NCKAP5: variants seen among roughly 807,000 people sequenced by gnomAD.
NCKAP5 encodes NCK associated protein 5, also known as nck-associated protein 5.
In NCKAP5, 92 loss-of-function variants were observed where a neutral mutation model predicts 167.0. The observed-to-expected ratio is 0.55, with a 90% CI of 0.47 to 0.66. The LOEUF (loss-of-function observed/expected upper bound fraction) is 0.66, where lower values mean the gene tolerates loss of function less well. Ranked by LOEUF, NCKAP5 falls within the 30% of genes least tolerant of loss-of-function variation. The probability of loss-of-function intolerance (pLI) is 0.00; values close to 1 mark genes in which losing one functional copy is unlikely to be tolerated. For missense variants in NCKAP5, 2,378 were observed against 2,315.0 expected (o/e 1.03, Z -0.56); for synonymous variants, 891 against 877.4 (o/e 1.02, Z -0.27).
chr2:133,052,573 T>C (rs1008431087), intron 6 of NCKAP5, among the ~76,000 whole-genome samples: 1 of 151,822 alleles, frequency 6.6e-6, no homozygotes, highest in Admixed American at 6.6e-5. Flanking sequence ...CAAAAATTAG[T>C]TGGGTGTGGT....
chr2:133,032,806 T>C (rs755815274), intron 6 of NCKAP5, among the ~76,000 whole-genome samples: 1 of 152,146 alleles, frequency 6.6e-6, no homozygotes, highest in Non-Finnish European at 1.5e-5. Context: ...TGGGGAGGCC[T>C]CAGGAAACTT....
At chr2:133,657,675 G>A in the NCKAP5 span, among the ~76,000 whole-genome samples, 9 of 152,262 alleles carry the variant, frequency 5.9e-5, no homozygotes, top group Non-Finnish European at 1.2e-4. Context: ...TTGAATATAT[G>A]TGATTAAAAT....
the NCKAP5 span, among the ~76,000 whole-genome samples, chr2:133,650,311 C>G: frequency 6.6e-6 from 1 of 151,796 alleles, no homozygotes; most frequent in South Asian, 2.1e-4. Context: ...CAGATTCAAT[C>G]TAATAACTAA....
At chr2:132,927,584 T>C (rs1382732001) in intron 8 of NCKAP5, among the ~76,000 whole-genome samples, 1 of 152,132 alleles carries the variant, frequency 6.6e-6, no homozygotes, top group Non-Finnish European at 1.5e-5. Context: ...TTTCATCTCT[T>C]TGGTTAAACG....
chr2:133,138,413 G>A (rs2082875916), intron 5 of NCKAP5, among the ~76,000 whole-genome samples: 3 of 152,050 alleles, frequency 2.0e-5, no homozygotes, highest in Admixed American at 2.0e-4. Context: ...TGGTAACACT[G>A]TATTTACAAC....
intron 5 of NCKAP5, among the ~76,000 whole-genome samples, chr2:133,166,275 T>C (rs551906578): frequency 6.6e-6 from 1 of 152,204 alleles, no homozygotes; most frequent in East Asian, 1.9e-4. Flanking sequence ...GCATACTTCA[T>C]GTGAGTCATT....
In NCKAP5 at chr2:133,179,853, A is replaced by T. The variant is rs533265067; in HGVS notation, c.207+33863T>A. On this transcript the variant is annotated intron_variant, in intron 5 of 19. Coordinates refer to ENST00000409261, the MANE Select transcript of NCKAP5 (RefSeq NM_207363.3). ...AACAGTGTCTCAGGAATGTGTAGGAATGAAACAGAGGGTTTCAGATTTACG... is the reference window on the plus strand; with the variant it reads ...AACAGTGTCTCAGGAATGTGTAGGATTGAAACAGAGGGTTTCAGATTTACG... Among the ~76,000 whole-genome samples, 5 of 152,322 alleles carry T rather than the reference A, an allele frequency of 3.3e-5. No homozygotes were observed. The South Asian group carries it at 1.0e-3, about 32-fold the overall frequency.
In NCKAP5 at chr2:132,773,856, G is replaced by A. The variant is rs199705308; in HGVS notation, c.5088C>T (p.Asp1696=). 2.9e-4 allele frequency: 467 copies of A among 1,610,888 alleles called. 1 individual carries two copies. Among genetic ancestry groups the A allele is most frequent in the Admixed American group, 7.9e-4 (47 of 59,462 alleles). The stretch of plus-strand genomic sequence containing the variant: ...GAAATACAGAATCTGCAACTGCATC[G>A]TCTTCATCCTCTTGCAAGTTTTCAT... ...EANENLQEDE[D]DAVADSVFQS... is the part of the protein sequence containing the mutation. Residue 1696 remains aspartate, a synonymous_variant, in exon 16 of 20, where the codon GAC becomes GAT. Transcript: ENST00000409261.
chr2:133,532,377 G>A (rs910714455), intron 2 of NCKAP5, among the ~76,000 whole-genome samples: 1 of 152,188 alleles, frequency 6.6e-6, no homozygotes, highest in Non-Finnish European at 1.5e-5. Context: ...TGGGTCACAG[G>A]TTGTGCACAT....
chr2:132,730,747 G>A (rs1690917938), intron 17 of NCKAP5, among the ~76,000 whole-genome samples: 1 of 152,206 alleles, frequency 6.6e-6, no homozygotes, highest in Non-Finnish European at 1.5e-5. Flanking sequence ...TGAATCTCTG[G>A]AGGCTGTGTC....
At chr2:133,503,292 C>G (rs1299608800) in intron 3 of NCKAP5, among the ~76,000 whole-genome samples, 2 of 152,214 alleles carry the variant, frequency 1.3e-5, no homozygotes, top group African/African-American at 4.8e-5. Context: ...AGCTCCTGTT[C>G]CCATTTAAGT....
chr2:133,381,066 T>C (rs1392643836), intron 3 of NCKAP5, among the ~76,000 whole-genome samples: 1 of 152,188 alleles, frequency 6.6e-6, no homozygotes, highest in Non-Finnish European at 1.5e-5. Flanking sequence ...AAATTTCAGC[T>C]CCAGAACAAG....
the NCKAP5 span, among the ~76,000 whole-genome samples, chr2:133,646,624 C>G: frequency 7.3e-3 from 1,109 of 152,114 alleles, 15 homozygotes; most frequent in African/African-American, 0.025. Context: ...CAAAAAAACC[C>G]TAAGCAGCAA....
At chr2:133,057,708 G>A (rs2079853492) in intron 6 of NCKAP5, among the ~76,000 whole-genome samples, 1 of 152,226 alleles carries the variant, frequency 6.6e-6, no homozygotes, top group South Asian at 2.1e-4. Flanking sequence ...ACACGAAAAT[G>A]CAAGGTGAAG....
chr2:133,351,388 G>C (rs1450592281), intron 3 of NCKAP5, among the ~76,000 whole-genome samples: 1 of 152,014 alleles, frequency 6.6e-6, no homozygotes, highest in African/African-American at 2.4e-5. Context: ...TAACTTCTTT[G>C]AGCCTTAATT....
Position 133,341,284 on chromosome 2 carries a change from ATT to A in NCKAP5, c.70-38176_70-38175del, listed in dbSNP as rs11362448. ...GACTTGTCATTCTGGAAGTGAGCAGATTTTTTTTTTTTTTTGTACCCACACAC... is the reference window on the plus strand; with the variant it reads ...GACTTGTCATTCTGGAAGTGAGCAGATTTTTTTTTTTTTGTACCCACACAC... On this transcript the variant is annotated intron_variant, in intron 3 of 19. Coordinates refer to ENST00000409261, the MANE Select transcript of NCKAP5 (RefSeq NM_207363.3). Among the ~76,000 whole-genome samples, 536 of 145,762 alleles carry A rather than the reference ATT, an allele frequency of 3.7e-3. 1 individual carries two copies. Among genetic ancestry groups the A allele is most frequent in the African/African-American group, 0.01 (404 of 39,796 alleles).
intron 4 of NCKAP5, among the ~76,000 whole-genome samples, chr2:133,238,336 G>A (rs1042236233): frequency 3.9e-5 from 6 of 152,140 alleles, no homozygotes; most frequent in Non-Finnish European, 7.3e-5. Flanking sequence ...GGGTCATGGC[G>A]AAGGCAGTGG....
At chr2:133,164,632 A>G (rs1398783334) in intron 5 of NCKAP5, among the ~76,000 whole-genome samples, 1 of 152,112 alleles carries the variant, frequency 6.6e-6, no homozygotes, top group Non-Finnish European at 1.5e-5. Context: ...TCTACTCCAA[A>G]TCAAGTCCAA....
At chr2:132,965,243 TTCAGC>T (rs1182384888) in intron 7 of NCKAP5, among the ~76,000 whole-genome samples, 1 of 152,156 alleles carries the variant, frequency 6.6e-6, no homozygotes, top group Non-Finnish European at 1.5e-5. Context: ...CAGGTGTGAG[TTCAGC>T]TCAGATAAAT....
Sources: gnomAD v4.1 joint callset for allele counts (sites outside exome capture counted in the v4.1 genomes callset) on GRCh38, gnomAD v4.1.1 for gene constraint, MANE v1.5 for transcripts, NCBI Gene and HGNC (gene_info 2026-07-23, HGNC 2026-07-21) for gene names.